Variants in MAST4 observed in about 807,000 individuals in gnomAD.
The protein encoded by MAST4 is microtubule-associated serine/threonine-protein kinase 4.
Under a neutral mutation model 162.7 loss-of-function variants are expected in MAST4, and 89 were observed. That is an observed-to-expected ratio of 0.55 (90% confidence interval 0.46 to 0.65). The LOEUF is 0.65. MAST4 is among the 30% of genes least tolerant of loss of function. The pLI, the probability that MAST4 is intolerant of heterozygous loss-of-function variation, is 0.00. For synonymous variants in MAST4, 1,479 were observed against 1,361.1 expected (o/e 1.09, Z -1.91); for missense variants, 3,153 against 3,374.0 (o/e 0.93, Z 1.62).
chr5:66,625,505 A>C, intron 1 of MAST4, among the ~76,000 whole-genome samples: 1 of 152,346 alleles, frequency 6.6e-6, no homozygotes, highest in Middle Eastern at 3.4e-3. Flanking sequence ...AAAAATACAA[A>C]TAATCCAATT....
At chr5:66,777,707 G>C (rs1406545635) in intron 2 of MAST4, among the ~76,000 whole-genome samples, 3 of 152,278 alleles carry the variant, frequency 2.0e-5, no homozygotes, top group South Asian at 2.1e-4. Flanking sequence ...GGAAGAGGAA[G>C]AGATGACTCT....
intron 1 of MAST4, among the ~76,000 whole-genome samples, chr5:66,608,621 A>T (rs1400086571): frequency 6.6e-6 from 1 of 151,956 alleles, no homozygotes; most frequent in African/African-American, 2.4e-5. Context: ...ACTCCAGAGG[A>T]CATGGTCAGT....
At chr5:66,918,172 T>C (rs42327) in intron 4 of MAST4, among the ~76,000 whole-genome samples, 113,243 of 151,998 alleles carry the variant, frequency 0.75, 42,523 homozygotes, top group African/African-American at 0.82. Context: ...TTTAATTATC[T>C]GATAATTATA....
intron 1 of MAST4, among the ~76,000 whole-genome samples, chr5:66,645,008 G>A (rs1745734509): frequency 6.6e-6 from 1 of 151,972 alleles, no homozygotes; most frequent in African/African-American, 2.4e-5. Context: ...CTTGTGGGGT[G>A]GGGGCTTGGA....
intron 4 of MAST4, among the ~76,000 whole-genome samples, chr5:66,975,246 G>A (rs915598819): frequency 6.6e-6 from 1 of 152,112 alleles, no homozygotes; most frequent in Admixed American, 6.5e-5. Flanking sequence ...CCTCCAGACT[G>A]GGAGAATATA....
At position 67,065,813 on chromosome 5, in the gene MAST4, A is replaced by G. The variant is rs563514562; in HGVS notation, c.763+11321A>G. Reference sequence around the variant, plus strand: ...CAGATTTTAAAAACTGACTACAGCAATGTATGAGTACTTCTCTACAAAAGC... The same window carrying G: ...CAGATTTTAAAAACTGACTACAGCAGTGTATGAGTACTTCTCTACAAAAGC... On this transcript the variant is annotated intron_variant, in intron 5 of 28. Coordinates refer to ENST00000403625, the MANE Select transcript of MAST4 (RefSeq NM_001164664.2). 2.1e-3 allele frequency among the ~76,000 whole-genome samples: 327 copies of G among 152,366 alleles called. 2 individuals carry two copies. Among genetic ancestry groups the G allele is most frequent in the Middle Eastern group, 6.8e-3 (2 of 294 alleles).
chr5:67,095,944 T>A (rs1764413414), intron 7 of MAST4, among the ~76,000 whole-genome samples: 1 of 152,202 alleles, frequency 6.6e-6, no homozygotes, highest in Admixed American at 6.6e-5. Context: ...TTTAATAACA[T>A]TTGGTGTAGT....
At chr5:66,893,379 T>TG (rs1762480610) in intron 3 of MAST4, among the ~76,000 whole-genome samples, 3 of 142,876 alleles carry the variant, frequency 2.1e-5, no homozygotes, top group Admixed American at 7.2e-5. Context: ...CTAATTTTTT[T>TG]TTTTGTGTGT....
intron 3 of MAST4, among the ~76,000 whole-genome samples, chr5:66,883,662 C>T (rs1248005099): frequency 3.3e-5 from 5 of 151,950 alleles, no homozygotes; most frequent in African/African-American, 9.7e-5. Context: ...CTCCTGACCT[C>T]GTGATCCACC....
chr5:67,055,782 A>G (rs1415822622), intron 5 of MAST4, among the ~76,000 whole-genome samples: 1 of 152,140 alleles, frequency 6.6e-6, no homozygotes, highest in Non-Finnish European at 1.5e-5. Flanking sequence ...TAAACATTTG[A>G]AGTAACCTAA....
intron 4 of MAST4, among the ~76,000 whole-genome samples, chr5:66,906,227 G>T (rs1388688256): frequency 6.6e-6 from 1 of 152,158 alleles, no homozygotes; most frequent in South Asian, 2.1e-4. Flanking sequence ...ATTCCAAAGG[G>T]AAGGAGGGTA....
At chr5:66,910,741 C>CTTTGTTTTTTTTTTTTTTTTTTTTTT (rs1763690763) in intron 4 of MAST4, among the ~76,000 whole-genome samples, 6 of 20,102 alleles carry the variant, frequency 3.0e-4, no homozygotes, top group South Asian at 1.4e-3. Context: ...TTTTTTTTTT[C>CTTTGTTTTTTTTTTTTTTTTTTTTTT]TTTTTTTTTT....
At chr5:66,621,489 A>G (rs1744072928) in intron 1 of MAST4, among the ~76,000 whole-genome samples, 1 of 152,186 alleles carries the variant, frequency 6.6e-6, no homozygotes. Flanking sequence ...CACTATTTTG[A>G]CTTGAAAGGC....
At chr5:66,665,501 A>G (rs1210955506) in intron 1 of MAST4, among the ~76,000 whole-genome samples, 3 of 152,322 alleles carry the variant, frequency 2.0e-5, no homozygotes, top group Non-Finnish European at 2.9e-5. Context: ...GATTCTTACT[A>G]TCTTTTATTT....
At chr5:66,933,923 T>C (rs932123135) in intron 4 of MAST4, among the ~76,000 whole-genome samples, 20 of 152,126 alleles carry the variant, frequency 1.3e-4, no homozygotes, top group Non-Finnish European at 1.5e-5. Flanking sequence ...AACTCCTGGC[T>C]TCAAGTGATC....
intron 4 of MAST4, among the ~76,000 whole-genome samples, chr5:66,941,550 T>C (rs905278429): frequency 6.6e-6 from 1 of 152,160 alleles, no homozygotes; most frequent in African/African-American, 2.4e-5. Flanking sequence ...GTGGCTGATA[T>C]AATCCTCTAT....
chr5:67,000,080 G>A (rs187838196), intron 4 of MAST4, among the ~76,000 whole-genome samples: 23 of 152,336 alleles, frequency 1.5e-4, no homozygotes, highest in Non-Finnish European at 2.5e-4. Flanking sequence ...CCAGTTTGCT[G>A]TTCACAGTTC....
chr5:67,005,036 T>G (rs571140054), intron 4 of MAST4: 1 of 775,102 alleles, frequency 1.3e-6, no homozygotes, highest in Non-Finnish European at 2.4e-6. Flanking sequence ...GCTCTCAAAC[T>G]TTACTTTGCC....
Position 67,165,867 on chromosome 5 carries a change from C to G in MAST4, c.6688C>G (p.Gln2230Glu), listed in dbSNP as rs1361641296. 1.2e-6 allele frequency: 2 copies of G among 1,613,242 alleles called. No homozygotes were observed. Among genetic ancestry groups the G allele is most frequent in the East Asian group, 2.2e-5 (1 of 44,896 alleles). Reference protein sequence around the residue: ...GATKGKEPATQSLGGSSREGK... With the variant: ...GATKGKEPATESLGGSSREGK... ...CACAAAGGGCAAAGAGCCTGCCACT[C>G]AGTCCCTCGGTGGCTCTAGCAGAGA... Residue 2230 changes from glutamine (Q) to glutamate (E), a missense_variant, in exon 29 of 29, where the codon CAG (glutamine) becomes GAG (glutamate). Coordinates refer to ENST00000403625, the MANE Select transcript of MAST4 (RefSeq NM_001164664.2).
Sources: gnomAD v4.1 joint callset for allele counts (sites outside exome capture counted in the v4.1 genomes callset) on GRCh38, gnomAD v4.1.1 for gene constraint, MANE v1.5 for transcripts, NCBI Gene and HGNC (gene_info 2026-07-23, HGNC 2026-07-21) for gene names.